The following GET1 variants were observed in gnomAD, a reference collection of about 807,000 sequenced individuals.
The protein encoded by GET1 is congenital heart disease 5 protein.
In GET1, 20 loss-of-function variants were observed where a neutral mutation model predicts 22.6. The observed-to-expected ratio is 0.89, with a 90% CI of 0.62 to 1.29. The LOEUF (loss-of-function observed/expected upper bound fraction) is 1.29. Among genes scored for constraint, GET1 ranks in the 50% most tolerant of loss-of-function variants. GET1 has a pLI of 0.00. For synonymous variants in GET1, 92 were observed against 83.8 expected (o/e 1.10, Z -0.53); for missense variants, 209 against 219.9 (o/e 0.95, Z 0.31).
At chr21:39,411,042 G>A (rs2040009824), downstream of GET1, 4 of 409,688 alleles carry the variant, frequency 9.8e-6, no homozygotes, top group South Asian at 1.8e-5. Context: ...CCAATGAGAG[G>A]TATACACTAA....
At chr21:39,409,170 C>T (rs775819344), downstream of GET1, among the ~76,000 whole-genome samples, 3 of 152,044 alleles carry the variant, frequency 2.0e-5, no homozygotes, top group Admixed American at 6.6e-5. This position sits in a 1 kb window ranked among gnomAD's most constrained non-coding sequence, Gnocchi z 4.2. Context: ...GCTCTCTCCC[C>T]GACTCTCCTC....
chr21:39,391,799 T>C lies in GET1; in HGVS notation c.299T>C (p.Ile100Thr). Residue 100 changes from isoleucine to threonine, a missense_variant, in exon 3 of 5, where the codon ATA becomes ACA. Physicochemically the swap from Ile to Thr is moderately conservative, Grantham distance 89. Coordinates refer to ENST00000649170, the MANE Select transcript of GET1 (RefSeq NM_004627.6). ...GCTCGGACAGCTCAATTAGCCAAGA[T>C]AAAATGGGTGATAAGTGTCGCTTTC... Reference protein sequence around the residue: ...VKARTAQLAKIKWVISVAFYV... With the variant: ...VKARTAQLAKTKWVISVAFYV... The C allele has an allele frequency of 6.2e-7, 1 of 1,614,146 alleles. No homozygotes were observed. The highest frequency in any genetic ancestry group is 8.5e-7 in the Non-Finnish European group (1 of 1,180,018).
chr21:39,414,734 CTCTCTCTCTG>C (rs1000721147), intron 1 of GET1, among the ~76,000 whole-genome samples: 9 of 103,272 alleles, frequency 8.7e-5, no homozygotes, highest in East Asian at 4.9e-4. Flanking sequence ...CTCTCTCTCT[CTCTCTCTCTG>C]TGTGTGTGTG....
chr21:39,389,208 GC>G (rs1269808148), intron 1 of GET1, among the ~76,000 whole-genome samples: 2 of 152,120 alleles, frequency 1.3e-5, no homozygotes, highest in Non-Finnish European at 2.9e-5. Flanking sequence ...CTGGGCTCAA[GC>G]GATTCACCTG....
downstream of GET1, chr21:39,397,982 A>C (rs1315002451): frequency 1.3e-5 from 2 of 152,178 alleles, no homozygotes; most frequent in Non-Finnish European, 2.9e-5. Flanking sequence ...TGAGAAGACA[A>C]AGTGCTGTGG....
intron 1 of GET1, chr21:39,380,814 C>T: frequency 1.2e-5 from 12 of 1,023,290 alleles, no homozygotes; most frequent in Non-Finnish European, 1.4e-5. Flanking sequence ...TTCCTAGAGG[C>T]ATTCGAGCAG....
chr21:39,422,695 C>A, intron 1 of GET1: 1 of 497,634 alleles, frequency 2.0e-6, no homozygotes, highest in Non-Finnish European at 3.5e-6. Context: ...TGTAGCTGTG[C>A]TCTCTTAGAG....
chr21:39,382,974 G>T (rs533931425), intron 1 of GET1, among the ~76,000 whole-genome samples: 2 of 151,744 alleles, frequency 1.3e-5, no homozygotes, highest in Admixed American at 1.3e-4. Flanking sequence ...TTTTTGAGAT[G>T]GAGTCTTGCT....
chr21:39,399,285 T>C (rs2038779967), downstream of GET1, among the ~76,000 whole-genome samples: 1 of 151,418 alleles, frequency 6.6e-6, no homozygotes, highest in Admixed American at 6.6e-5. Context: ...CTATTTACTG[T>C]TTTTTTTTAA....
chr21:39,400,851 G>A (rs902504586), downstream of GET1, among the ~76,000 whole-genome samples: 57 of 152,028 alleles, frequency 3.7e-4, no homozygotes, highest in African/African-American at 1.3e-3. Flanking sequence ...TTGTGGGAAA[G>A]GATATTGGAC....
At chr21:39,387,428 T>A (rs2037977637) in intron 1 of GET1, among the ~76,000 whole-genome samples, 1 of 152,218 alleles carries the variant, frequency 6.6e-6, no homozygotes, top group Admixed American at 6.5e-5. Flanking sequence ...TAGCAGTGTC[T>A]GTAGATTTTC....
At chr21:39,423,348 T>G in intron 1 of GET1, 1 of 1,613,056 alleles carries the variant, frequency 6.2e-7, no homozygotes, top group Non-Finnish European at 8.5e-7. Context: ...CTAATTCATT[T>G]TTTAGTCCTT....
At chr21:39,380,541 G>C in intron 1 of GET1, 55 bp downstream of exon 1, 1 of 1,568,704 alleles carries the variant, frequency 6.4e-7, no homozygotes, top group Non-Finnish European at 8.7e-7. Flanking sequence ...CCAGTCCCCC[G>C]GCGGGTCTGG....
downstream of GET1, among the ~76,000 whole-genome samples, chr21:39,402,344 A>T (rs2038862043): frequency 6.6e-6 from 1 of 152,150 alleles, no homozygotes; most frequent in Non-Finnish European, 1.5e-5. Flanking sequence ...GCCTCAAGTG[A>T]TCTGCCTGCC....
intron 1 of GET1, chr21:39,422,361 A>G (rs1399477212): frequency 6.6e-6 from 1 of 152,318 alleles, no homozygotes; most frequent in Non-Finnish European, 1.5e-5. Context: ...TTATAATGTA[A>G]TCCCCAGGCT....
intron 1 of GET1, chr21:39,387,899 C>A (rs2038028676): frequency 4.2e-6 from 4 of 945,180 alleles, no homozygotes; most frequent in Non-Finnish European, 5.0e-6. Flanking sequence ...TTATTGTGTG[C>A]CAGGCACACT....
At chr21:39,404,657 C>T (rs781472646) in intron 4 of GET1, among the ~76,000 whole-genome samples, 25 of 145,544 alleles carry the variant, frequency 1.7e-4, no homozygotes, top group Non-Finnish European at 2.8e-4. Context: ...GGCTGAGACA[C>T]GAGAATCGCT....
intron 4 of GET1, chr21:39,405,898 C>T (rs757833776): frequency 1.3e-6 from 2 of 1,580,028 alleles, no homozygotes; most frequent in Admixed American, 1.8e-5. Flanking sequence ...AATTATTTTT[C>T]TTTTTCCTTC....
At chr21:39,393,368 T>C in intron 4 of GET1, 88 bp downstream of exon 4, 1 of 1,025,600 alleles carries the variant, frequency 9.8e-7, no homozygotes, top group Non-Finnish European at 1.5e-6. Flanking sequence ...CCTGACATCC[T>C]CCTCACCGTC....
Sources: allele counts gnomAD v4.1 joint callset (sites outside exome capture counted in the v4.1 genomes callset), GRCh38; gene constraint gnomAD v4.1.1; non-coding constraint Gnocchi (gnomAD v3.1); transcripts MANE v1.5; gene names NCBI Gene and HGNC (gene_info 2026-07-23, HGNC 2026-07-21).